SLC25A48: variants seen among roughly 807,000 people sequenced by gnomAD.
SLC25A48 encodes CTC-321K16.1.
In SLC25A48, 29 loss-of-function variants were observed where a neutral mutation model predicts 32.2. The observed-to-expected ratio is 0.90, with a 90% CI of 0.67 to 1.23. The LOEUF (loss-of-function observed/expected upper bound fraction) is 1.23, where lower values mean the gene tolerates loss of function less well. Ranked by LOEUF, SLC25A48 falls within the 50% of genes most tolerant of loss-of-function variation. The pLI is 0.00. For missense variants in SLC25A48, 399 were observed against 422.7 expected (o/e 0.94, Z 0.49); for synonymous variants, 164 against 172.3 (o/e 0.95, Z 0.38).
At chr5:135,750,302 T>TAATTTAATTAATTACA (rs1276074147) in intron 3 of SLC25A48, among the ~76,000 whole-genome samples, 3 of 152,088 alleles carry the variant, frequency 2.0e-5, no homozygotes, top group Admixed American at 2.0e-4. Context: ...ACCACCATGG[T>TAATTTAATTAATTACA]TTATTGCTTC....
chr5:135,886,624 TATATATATATATAAA>T (rs1762730295), intron 7 of SLC25A48, among the ~76,000 whole-genome samples: 1 of 24,146 alleles, frequency 4.1e-5, no homozygotes, highest in Non-Finnish European at 7.0e-5. Context: ...TATATATATA[TATATATATATATAAA>T]ATATATATAT....
In SLC25A48 at chr5:135,629,781, A is replaced by G. The variant is rs549134061; in HGVS notation, c.-709+405A>G. On this transcript the variant is annotated intron_variant, in intron 2 of 10. Transcript: ENST00000646290. The surrounding 1 kb of genome is among the most constrained non-coding windows in gnomAD (Gnocchi z 4.8). ...GGAGGGTTGCTCTCAGTGGTAGGGC[A>G]TGTTAACTCTCCAGCACTTCTGGCC... Among the ~76,000 whole-genome samples, 140 of 152,306 alleles carry G rather than the reference A, an allele frequency of 9.2e-4. No homozygotes were observed. The highest frequency in any genetic ancestry group is 4.2e-3 in the Admixed American group (64 of 15,302).
chr5:135,597,253 G>A (rs1378596232), intron 1 of SLC25A48, among the ~76,000 whole-genome samples: 1 of 152,194 alleles, frequency 6.6e-6, no homozygotes. Context: ...CCAAGTTGCA[G>A]ATCTGAGCAA....
At chr5:135,686,687 C>T (rs561131270) in intron 3 of SLC25A48, among the ~76,000 whole-genome samples, 31 of 151,746 alleles carry the variant, frequency 2.0e-4, no homozygotes, top group South Asian at 8.3e-4. Context: ...TTTTACTGGA[C>T]GACAGATGGA....
At chr5:135,854,305 A>G (rs1454407633) in intron 4 of SLC25A48, among the ~76,000 whole-genome samples, 1 of 152,252 alleles carries the variant, frequency 6.6e-6, no homozygotes, top group African/African-American at 2.4e-5. Context: ...AAAGCCAGGC[A>G]TTGACGTCTC....
intron 1 of SLC25A48, among the ~76,000 whole-genome samples, chr5:135,603,281 C>G (rs1751844246): frequency 6.6e-6 from 1 of 152,230 alleles, no homozygotes; most frequent in Non-Finnish European, 1.5e-5. Context: ...TTCCAGACAC[C>G]AGCTCCCAAA....
chr5:135,733,090 A>C (rs972001364), intron 3 of SLC25A48, among the ~76,000 whole-genome samples: 2 of 152,254 alleles, frequency 1.3e-5, no homozygotes, highest in African/African-American at 4.8e-5. Context: ...ATTTAGAGTC[A>C]GTATAAATAT....
At chr5:135,863,492 G>A (rs1053735595) in intron 4 of SLC25A48, among the ~76,000 whole-genome samples, 3 of 152,196 alleles carry the variant, frequency 2.0e-5, no homozygotes, top group Non-Finnish European at 4.4e-5. Context: ...GAGGATGGCA[G>A]CAAAGAGAAG....
At position 135,709,476 on chromosome 5, in the gene SLC25A48, C is replaced by T. The variant is rs147444564; in HGVS notation, c.-521+74520C>T. 3.3e-4 allele frequency among the ~76,000 whole-genome samples: 50 copies of T among 152,354 alleles called. No individual in the cohort carries two copies. In the East Asian group the frequency reaches 7.3e-3, roughly 22 times the overall value. On this transcript the variant is annotated intron_variant, in intron 3 of 10. Transcript: ENST00000646290. ...AGAGAGCCTGATACAAATCTAAATT[C>T]TTACACCCCACCCCAAAGGTTCGGA...
intron 3 of SLC25A48, among the ~76,000 whole-genome samples, chr5:135,674,164 A>G (rs939113033): frequency 6.6e-6 from 1 of 152,000 alleles, no homozygotes; most frequent in Admixed American, 6.6e-5. Context: ...TAATATTTGT[A>G]TATACTTACA....
intron 3 of SLC25A48, among the ~76,000 whole-genome samples, chr5:135,681,486 G>A (rs1462269440): frequency 1.3e-5 from 2 of 152,084 alleles, no homozygotes; most frequent in Non-Finnish European, 2.9e-5. Flanking sequence ...AGAATGTAAT[G>A]GTAATAACCT....
chr5:135,763,304 G>C (rs2127019485), intron 3 of SLC25A48, among the ~76,000 whole-genome samples: 1 of 152,218 alleles, frequency 6.6e-6, no homozygotes, highest in South Asian at 2.1e-4. Flanking sequence ...GGTGGTAGCA[G>C]CAGCAATGGC....
chr5:135,853,932 A>G (rs1157687099), intron 4 of SLC25A48, among the ~76,000 whole-genome samples: 5 of 152,220 alleles, frequency 3.3e-5, no homozygotes, highest in Non-Finnish European at 7.3e-5. Context: ...TCCTTGATTC[A>G]CGGGCTGCCG....
chr5:135,847,375 T>C (rs893032196), intron 2 of SLC25A48, among the ~76,000 whole-genome samples: 4 of 152,086 alleles, frequency 2.6e-5, no homozygotes, highest in Non-Finnish European at 5.9e-5. Context: ...TGAAAGGCCT[T>C]GGGGATGAAC....
At chr5:135,740,453 G>T (rs1483751156) in intron 3 of SLC25A48, among the ~76,000 whole-genome samples, 1 of 152,018 alleles carries the variant, frequency 6.6e-6, no homozygotes, top group South Asian at 2.1e-4. Context: ...CCTTGGGCGG[G>T]GGGTGCATGG....
intron 1 of SLC25A48, among the ~76,000 whole-genome samples, chr5:135,594,108 C>T (rs1313812329): frequency 6.6e-6 from 1 of 152,224 alleles, no homozygotes; most frequent in African/African-American, 2.4e-5. Flanking sequence ...AAAAGAGGAA[C>T]TCTCAAACAC....
intron 3 of SLC25A48, among the ~76,000 whole-genome samples, chr5:135,648,347 A>G (rs928111927): frequency 2.6e-5 from 4 of 152,192 alleles, no homozygotes; most frequent in Non-Finnish European, 5.9e-5. Context: ...CTGCCTGACG[A>G]TGGAGCCTGG....
intron 3 of SLC25A48, among the ~76,000 whole-genome samples, chr5:135,658,261 A>C (rs6880183): frequency 0.43 from 65,139 of 152,100 alleles, 14,548 homozygotes; most frequent in South Asian, 0.49. Flanking sequence ...GGGAGAAATT[A>C]GTCAAAACAA....
At chr5:135,855,824 G>A (rs1213366264) in intron 4 of SLC25A48, among the ~76,000 whole-genome samples, 1 of 152,190 alleles carries the variant, frequency 6.6e-6, no homozygotes, top group Non-Finnish European at 1.5e-5. Flanking sequence ...CAGCAGGCGA[G>A]GCCTTGCTCC....
Sources: gnomAD v4.1 joint callset for allele counts (sites outside exome capture counted in the v4.1 genomes callset) on GRCh38, gnomAD v4.1.1 for gene constraint, Gnocchi (gnomAD v3.1) non-coding constraint, MANE v1.5 for transcripts, NCBI Gene and HGNC (gene_info 2026-07-23, HGNC 2026-07-21) for gene names.